The following KCNB2 variants were observed in gnomAD, a reference collection of about 807,000 sequenced individuals.
The protein encoded by KCNB2 is potassium voltage-gated channel subfamily B member 2, also known as delayed rectifier potassium channel protein.
A neutral mutation model predicts 61.5 loss-of-function variants in KCNB2; 15 were observed. The ratio of observed to expected loss-of-function variants is 0.24; its 90% CI spans 0.16 to 0.38. The LOEUF (loss-of-function observed/expected upper bound fraction) is 0.38. Ranked by LOEUF, KCNB2 falls within the 10% of genes least tolerant of loss-of-function variation. The pLI is 1.00. For missense variants in KCNB2, 828 were observed against 1,125.2 expected, an observed-to-expected ratio of 0.74 and a Z score of 3.78; for synonymous variants, 457 against 446.0, an observed-to-expected ratio of 1.02 and a Z score of -0.31.
intron 2 of KCNB2, among the ~76,000 whole-genome samples, chr8:72,676,250 C>T (rs1260466267): frequency 6.6e-6 from 1 of 152,040 alleles, no homozygotes; most frequent in Non-Finnish European, 1.5e-5. Context: ...GAAAACAGTT[C>T]ATTTAAATCA....
At chr8:72,673,363 GT>G (rs1470438694) in intron 2 of KCNB2, among the ~76,000 whole-genome samples, 1 of 152,186 alleles carries the variant, frequency 6.6e-6, no homozygotes, top group Non-Finnish European at 1.5e-5. Flanking sequence ...AAATCTGATG[GT>G]TTTTTAAGGG....
chr8:72,844,578 T>A (rs950306048), intron 2 of KCNB2, among the ~76,000 whole-genome samples: 5 of 152,238 alleles, frequency 3.3e-5, no homozygotes, highest in Non-Finnish European at 7.3e-5. Context: ...GGTATACCAA[T>A]CAAATGTAGG....
chr8:72,654,792 A>C (rs1806264447), intron 2 of KCNB2, among the ~76,000 whole-genome samples: 1 of 152,200 alleles, frequency 6.6e-6, no homozygotes, highest in Admixed American at 6.6e-5. Context: ...ACTGTGAGAA[A>C]AAGATAAAAA....
intron 1 of KCNB2, among the ~76,000 whole-genome samples, chr8:72,551,212 T>TTTG (rs770823609): frequency 5.3e-5 from 8 of 152,266 alleles, no homozygotes; most frequent in East Asian, 3.9e-4. Flanking sequence ...TTTGCCCTTT[T>TTTG]TTGTTGTTGT....
intron 2 of KCNB2, among the ~76,000 whole-genome samples, chr8:72,799,501 C>T (rs1386713810): frequency 3.3e-5 from 5 of 152,068 alleles, no homozygotes; most frequent in Admixed American, 1.3e-4. Context: ...AAATAATTTA[C>T]ATTCAAAACA....
intron 2 of KCNB2, among the ~76,000 whole-genome samples, chr8:72,797,600 G>A (rs1468568047): frequency 6.6e-6 from 1 of 152,220 alleles, no homozygotes; most frequent in Non-Finnish European, 1.5e-5. Context: ...AAAGTGAAAT[G>A]AAGTTTGTGA....
intron 2 of KCNB2, among the ~76,000 whole-genome samples, chr8:72,771,033 A>G (rs911503040): frequency 4.6e-5 from 7 of 152,226 alleles, no homozygotes; most frequent in Non-Finnish European, 8.8e-5. Flanking sequence ...TGTCGCAGAA[A>G]AAAGCTCCCA....
chr8:72,703,718 C>T (rs1249780592), intron 2 of KCNB2, among the ~76,000 whole-genome samples: 1 of 152,092 alleles, frequency 6.6e-6, no homozygotes, highest in African/African-American at 2.4e-5. Context: ...AGCTACTCCC[C>T]CACACAAAAA....
At chr8:72,759,537 G>C (rs549716569) in intron 2 of KCNB2, among the ~76,000 whole-genome samples, 1 of 152,260 alleles carries the variant, frequency 6.6e-6, no homozygotes, top group South Asian at 2.1e-4. Flanking sequence ...ACTGTGCAAG[G>C]CTTGGAAAAG....
intron 2 of KCNB2, among the ~76,000 whole-genome samples, chr8:72,691,038 GC>G (rs1457822848): frequency 3.3e-5 from 5 of 152,144 alleles, no homozygotes; most frequent in Admixed American, 2.6e-4. Context: ...TCGACTTGGT[GC>G]CCGTTTTCAT....
intron 2 of KCNB2, among the ~76,000 whole-genome samples, chr8:72,741,158 A>G (rs1458993147): frequency 6.6e-6 from 1 of 152,178 alleles, no homozygotes; most frequent in African/African-American, 2.4e-5. Flanking sequence ...ATTGATTTGA[A>G]AGGAAGAAGA....
intron 2 of KCNB2, among the ~76,000 whole-genome samples, chr8:72,930,243 A>G (rs1440154954): frequency 6.6e-6 from 1 of 151,728 alleles, no homozygotes; most frequent in African/African-American, 2.4e-5. Flanking sequence ...TGTTGTGAAT[A>G]GTGCCACAAT....
chr8:72,635,524 G>GAGT (rs1805950554), intron 2 of KCNB2, among the ~76,000 whole-genome samples: 1 of 152,140 alleles, frequency 6.6e-6, no homozygotes, highest in Non-Finnish European at 1.5e-5. Context: ...GTCGAATGAA[G>GAGT]AGTGCCCCGT....
intron 2 of KCNB2, among the ~76,000 whole-genome samples, chr8:72,568,909 TCTGA>T (rs1806668142): frequency 1.3e-5 from 2 of 152,158 alleles, no homozygotes; most frequent in African/African-American, 4.8e-5. Context: ...AGTGCATGTT[TCTGA>T]CTGTTAATTT....
chr8:72,733,307 T>C (rs1807782346), intron 2 of KCNB2, among the ~76,000 whole-genome samples: 1 of 152,162 alleles, frequency 6.6e-6, no homozygotes, highest in Non-Finnish European at 1.5e-5. Flanking sequence ...GATTCAAGAA[T>C]TTTGACTTTG....
chr8:72,664,728 AC>A (rs988879268), intron 2 of KCNB2, among the ~76,000 whole-genome samples: 1 of 152,206 alleles, frequency 6.6e-6, no homozygotes, highest in African/African-American at 2.4e-5. Flanking sequence ...ATCCCTACCC[AC>A]CCAGTACTGC....
At chr8:72,909,675 C>G (rs1196374388) in intron 2 of KCNB2, among the ~76,000 whole-genome samples, 1 of 151,924 alleles carries the variant, frequency 6.6e-6, no homozygotes, top group Non-Finnish European at 1.5e-5. Context: ...GATGGCAGTC[C>G]CACACTCAGG....
chr8:72,709,876 A>G (rs1807296924), intron 2 of KCNB2, among the ~76,000 whole-genome samples: 1 of 152,150 alleles, frequency 6.6e-6, no homozygotes, highest in African/African-American at 2.4e-5. Flanking sequence ...TATGTACCCG[A>G]ATGTACAGAT....
At chr8:72,790,568 A>G (rs1323671423) in intron 2 of KCNB2, among the ~76,000 whole-genome samples, 1 of 152,112 alleles carries the variant, frequency 6.6e-6, no homozygotes, top group Non-Finnish European at 1.5e-5. Context: ...GAGAAAGAAT[A>G]TGTTTTTAAG....
Sources: allele counts gnomAD v4.1 joint callset (sites outside exome capture counted in the v4.1 genomes callset), GRCh38; gene constraint gnomAD v4.1.1; transcripts MANE v1.5; gene names NCBI Gene and HGNC (gene_info 2026-07-23, HGNC 2026-07-21).